RARB: variants seen among roughly 807,000 people sequenced by gnomAD.
RARB encodes the protein retinoic acid receptor beta.
RARB carries 17 observed loss-of-function variants against 51.9 expected under a neutral mutation model. The ratio of observed to expected loss-of-function variants is 0.33; its 90% CI spans 0.22 to 0.49. The LOEUF (loss-of-function observed/expected upper bound fraction) is 0.49. RARB is among the 20% of genes least tolerant of loss of function. RARB has a pLI of 0.99. For synonymous variants in RARB, 215 were observed against 195.4 expected (o/e 1.10, Z -0.84); for missense variants, 369 against 550.8 (o/e 0.67, Z 3.30).
chr3:25,011,409 AT>A (rs1697391191), intron 2 of RARB, among the ~76,000 whole-genome samples: 1 of 152,130 alleles, frequency 6.6e-6, no homozygotes, highest in Admixed American at 6.6e-5. Context: ...TTTCTTAAAA[AT>A]CAATGTGAGT....
At position 25,218,696 on chromosome 3, in the gene RARB, A is replaced by C. The variant is rs954310370; in HGVS notation, c.178+44121A>C. On this transcript the variant is annotated intron_variant, in intron 5 of 11. Transcript: ENST00000383772. ...GCTATAGGGTTTGACCATATCTAGC[A>C]AAAGTCTTTCATGTGCCCTGCTCCC... Among the ~76,000 whole-genome samples, 3 of 152,218 alleles carry C rather than the reference A, an allele frequency of 2.0e-5. No individual in the cohort carries two copies. In the South Asian group the frequency reaches 6.2e-4, roughly 31 times the overall value.
intron 5 of RARB, among the ~76,000 whole-genome samples, chr3:25,335,718 C>G (rs1209917139): frequency 6.6e-6 from 1 of 151,670 alleles, no homozygotes; most frequent in Non-Finnish European, 1.5e-5. Context: ...TTCACATTTA[C>G]TTTCTGCAAG....
At chr3:25,577,236 T>C (rs79713505) in intron 4 of RARB, among the ~76,000 whole-genome samples, 1,677 of 152,310 alleles carry the variant, frequency 0.011, 29 homozygotes, top group African/African-American at 0.039. Flanking sequence ...ATGATTGCAC[T>C]TCTGTGGGCC....
intron 5 of RARB, among the ~76,000 whole-genome samples, chr3:25,233,941 T>A (rs1178694694): frequency 6.6e-6 from 1 of 152,218 alleles, no homozygotes; most frequent in East Asian, 1.9e-4. Flanking sequence ...AATTTTCTGA[T>A]ATATTATTCT....
chr3:25,087,263 T>A (rs747212845), intron 3 of RARB, among the ~76,000 whole-genome samples: 1 of 152,196 alleles, frequency 6.6e-6, no homozygotes, highest in Non-Finnish European at 1.5e-5. Flanking sequence ...TCAGATTTAC[T>A]TTAGCATGCC....
At position 25,428,657 on chromosome 3, in the gene RARB, G is replaced by A; in HGVS notation, c.-75G>A. On this transcript the variant is annotated 5_prime_UTR_variant, in exon 1 of 8. In the 5' UTR this introduces an upstream ATG that the reference lacks. Transcript: ENST00000330688. ...AAGGGGCAGAGTTTGATGGAGTTGG[G>A]TGGACTTTTCTATGCCATTTGCCTC... 1 of 1,512,038 alleles carries A rather than the reference G, an allele frequency of 6.6e-7. No homozygotes were observed. Among genetic ancestry groups the A allele is most frequent in the East Asian group, 2.3e-5 (1 of 42,978 alleles). The allele number at this position is 1,512,038 out of a possible 1,614,324, so 93.7% of individuals were successfully genotyped here.
chr3:25,398,601 T>G (rs1232727237), intron 5 of RARB, among the ~76,000 whole-genome samples: 3 of 152,158 alleles, frequency 2.0e-5, no homozygotes, highest in Non-Finnish European at 4.4e-5. Flanking sequence ...TTCCAAGCCC[T>G]CTTTTTTGCC....
At chr3:24,955,885 A>G (rs1458945224) in intron 2 of RARB, among the ~76,000 whole-genome samples, 1 of 152,162 alleles carries the variant, frequency 6.6e-6, no homozygotes, top group Non-Finnish European at 1.5e-5. Context: ...CCTCGGAAGA[A>G]TAGGTAAAAT....
At chr3:24,981,019 G>A (rs534366314) in intron 2 of RARB, among the ~76,000 whole-genome samples, 1 of 152,322 alleles carries the variant, frequency 6.6e-6, no homozygotes, top group African/African-American at 2.4e-5. Context: ...CTAACAGACA[G>A]GCCCTTCAGC....
At chr3:25,336,962 T>A (rs73156023) in intron 5 of RARB, among the ~76,000 whole-genome samples, 7,278 of 151,956 alleles carry the variant, frequency 0.048, 577 homozygotes, top group African/African-American at 0.17. Flanking sequence ...CTGGGCAGAG[T>A]GTGTGGACGA....
At chr3:25,158,358 C>A (rs913872908) in intron 4 of RARB, among the ~76,000 whole-genome samples, 1 of 152,156 alleles carries the variant, frequency 6.6e-6, no homozygotes, top group African/African-American at 2.4e-5. Context: ...GGCTTGCATT[C>A]TTTGTTACAA....
chr3:25,127,121 G>T (rs948040644), intron 3 of RARB, among the ~76,000 whole-genome samples: 1 of 152,046 alleles, frequency 6.6e-6, no homozygotes, highest in African/African-American at 2.4e-5. Context: ...TGCCCTACAG[G>T]AACCAGGTGA....
chr3:25,246,224 A>G (rs1274524479), intron 5 of RARB, among the ~76,000 whole-genome samples: 2 of 151,844 alleles, frequency 1.3e-5, no homozygotes, highest in East Asian at 3.9e-4. Context: ...TACTTCTAAC[A>G]TTTTTTCAAG....
chr3:24,846,138 G>T (rs1004124294), intron 1 of RARB, among the ~76,000 whole-genome samples: 4 of 152,288 alleles, frequency 2.6e-5, no homozygotes, highest in Admixed American at 6.5e-5. Flanking sequence ...AGACAAAATT[G>T]GTGGTTTAAC....
chr3:25,304,168 C>T (rs1485409150), intron 5 of RARB, among the ~76,000 whole-genome samples: 3 of 152,184 alleles, frequency 2.0e-5, no homozygotes, highest in African/African-American at 4.8e-5. Flanking sequence ...CTAAACAGAA[C>T]TGTCTGGCAG....
intron 5 of RARB, among the ~76,000 whole-genome samples, chr3:25,404,994 A>G (rs1707368468): frequency 6.6e-6 from 1 of 152,086 alleles, no homozygotes; most frequent in South Asian, 2.1e-4. Context: ...CCTGAAAGAG[A>G]AATGCCAGGA....
In RARB at chr3:25,242,897, G is replaced by C. The variant is rs375508945; in HGVS notation, c.178+68322G>C. Among the ~76,000 whole-genome samples, 582 of 152,226 alleles carry C rather than the reference G, an allele frequency of 3.8e-3. 6 individuals carry two copies. The highest frequency in any genetic ancestry group is 0.013 in the African/African-American group (555 of 41,542). Reference sequence around the variant, plus strand: ...GCATTGAATCTATCAATTACTTTGGGCAGTATGGCCATTTTCACAATTTTG... The same window carrying C: ...GCATTGAATCTATCAATTACTTTGGCCAGTATGGCCATTTTCACAATTTTG... On this transcript the variant is annotated intron_variant, in intron 5 of 11. Coordinates refer to the RARB transcript ENST00000383772.
At chr3:24,855,616 T>TTA (rs1165351198) in intron 1 of RARB, among the ~76,000 whole-genome samples, 2 of 152,108 alleles carry the variant, frequency 1.3e-5, no homozygotes, top group African/African-American at 4.8e-5. Flanking sequence ...ACTTAGCACA[T>TTA]TACATTGATC....
chr3:25,114,743 T>C (rs183544912), intron 3 of RARB, among the ~76,000 whole-genome samples: 123 of 152,350 alleles, frequency 8.1e-4, no homozygotes, highest in African/African-American at 2.7e-3. Context: ...GAACACCTTC[T>C]GTTGACACCT....
Sources: allele counts gnomAD v4.1 joint callset (sites outside exome capture counted in the v4.1 genomes callset), GRCh38; gene constraint gnomAD v4.1.1; transcripts MANE v1.5; gene names NCBI Gene and HGNC (gene_info 2026-07-23, HGNC 2026-07-21).